The following SNTG1 variants were observed in gnomAD, a reference collection of about 807,000 sequenced individuals.
SNTG1 encodes the protein gamma-1-syntrophin.
Under a neutral mutation model 74.7 loss-of-function variants are expected in SNTG1, and 39 were observed. The observed-to-expected ratio is 0.52, with a 90% confidence interval of 0.40 to 0.68. The LOEUF (loss-of-function observed/expected upper bound fraction) is 0.68. SNTG1 is among the 30% of genes least tolerant of loss of function. The pLI, the probability that SNTG1 is intolerant of heterozygous loss-of-function variation, is 0.00. For missense variants in SNTG1, 685 were observed against 609.5 expected, an observed-to-expected ratio of 1.12 and a Z score of -1.30; for synonymous variants, 254 against 217.1, an observed-to-expected ratio of 1.17 and a Z score of -1.49.
chr8:50,499,447 GT>G, intron 8 of SNTG1, among the ~76,000 whole-genome samples: 1 of 148,406 alleles, frequency 6.7e-6, no homozygotes, highest in South Asian at 2.1e-4. Context: ...GTAGATTCTA[GT>G]GCACTTTTTG....
intron 2 of SNTG1, among the ~76,000 whole-genome samples, chr8:50,190,730 C>T (rs992253281): frequency 6.6e-6 from 1 of 152,112 alleles, no homozygotes; most frequent in African/African-American, 2.4e-5. Flanking sequence ...CATTTTACTA[C>T]CTCCTGTTGA....
At chr8:50,417,776 C>T (rs1413553635) in intron 4 of SNTG1, among the ~76,000 whole-genome samples, 1 of 152,136 alleles carries the variant, frequency 6.6e-6, no homozygotes, top group Non-Finnish European at 1.5e-5. Flanking sequence ...GCCCCACTGC[C>T]ATTTATATCT....
At chr8:49,941,623 G>GA (rs1269439666) in intron 1 of SNTG1, among the ~76,000 whole-genome samples, 1 of 151,858 alleles carries the variant, frequency 6.6e-6, no homozygotes, top group East Asian at 1.9e-4. Context: ...AGCCTGGCCT[G>GA]CGGCCTGAGT....
intron 13 of SNTG1, among the ~76,000 whole-genome samples, chr8:50,637,958 T>C (rs998909109): frequency 6.6e-6 from 1 of 152,118 alleles, no homozygotes; most frequent in African/African-American, 2.4e-5. Flanking sequence ...TACTTATTCT[T>C]ATAACTTTGC....
chr8:50,386,065 T>G (rs931374948), intron 2 of SNTG1, among the ~76,000 whole-genome samples: 1 of 152,236 alleles, frequency 6.6e-6, no homozygotes, highest in African/African-American at 2.4e-5. Context: ...GTAGTTCTAA[T>G]GGCATCCATT....
chr8:50,323,312 C>A (rs114168777), intron 2 of SNTG1, among the ~76,000 whole-genome samples: 1 of 151,992 alleles, frequency 6.6e-6, no homozygotes, highest in Non-Finnish European at 1.5e-5. Context: ...TCTGAAAGGT[C>A]GTATATCTCT....
At chr8:50,308,900 GT>G (rs200260250) in intron 2 of SNTG1, among the ~76,000 whole-genome samples, 2 of 150,052 alleles carry the variant, frequency 1.3e-5, no homozygotes, top group African/African-American at 4.9e-5. Flanking sequence ...ATGATGTTTT[GT>G]TTTTTTTTAA....
chr8:50,446,412 G>A (rs891936698), intron 5 of SNTG1, among the ~76,000 whole-genome samples: 9 of 149,358 alleles, frequency 6.0e-5, no homozygotes, highest in East Asian at 2.0e-4. Flanking sequence ...GCAGTGGCTC[G>A]TGCCTGTAAT....
At chr8:50,176,870 C>T (rs1448667651) in intron 2 of SNTG1, among the ~76,000 whole-genome samples, 1 of 152,170 alleles carries the variant, frequency 6.6e-6, no homozygotes, top group African/African-American at 2.4e-5. Context: ...TATGAAGGGA[C>T]TTCTGGAAGT....
Position 50,018,952 on chromosome 8 carries a change from G to A in SNTG1, c.-103+106721G>A, listed in dbSNP as rs568545386. The stretch of plus-strand genomic sequence containing the variant: ...AAAATTAAACATAGAATTGTTATAT[G>A]ATCCAGCAAATCTACTCCTAGGTAT... On this transcript the variant is annotated intron_variant, in intron 1 of 18. Coordinates refer to ENST00000642720, the MANE Select transcript of SNTG1 (RefSeq NM_018967.5). Among the ~76,000 whole-genome samples the A allele has an allele frequency of 1.6e-3, 248 of 152,048 alleles. 4 individuals are homozygous for A. Among genetic ancestry groups the A allele is most frequent in the African/African-American group, 5.8e-3 (239 of 41,506 alleles).
At chr8:50,133,762 C>G (rs1038072365) in intron 1 of SNTG1, among the ~76,000 whole-genome samples, 1 of 152,180 alleles carries the variant, frequency 6.6e-6, no homozygotes, top group Non-Finnish European at 1.5e-5. Flanking sequence ...ATGTTGGATT[C>G]AGGGCCCACC....
intron 8 of SNTG1, among the ~76,000 whole-genome samples, chr8:50,484,149 TTTCCTTCCTTCCTTCCTTCC>T (rs1176639085): frequency 1.5e-4 from 7 of 47,044 alleles, no homozygotes; most frequent in Admixed American, 1.9e-4. Context: ...TCTTTCTTTC[TTTCCTTCCTTCCTTCCTTCC>T]TTCCTTCCTT....
intron 1 of SNTG1, among the ~76,000 whole-genome samples, chr8:49,920,988 T>G (rs1359887021): frequency 6.6e-6 from 1 of 151,996 alleles, no homozygotes; most frequent in Non-Finnish European, 1.5e-5. Flanking sequence ...GAAGGAAAGA[T>G]GTGATATCTG....
chr8:50,032,347 T>C (rs559065293), intron 1 of SNTG1, among the ~76,000 whole-genome samples: 1 of 152,076 alleles, frequency 6.6e-6, no homozygotes, highest in Non-Finnish European at 1.5e-5. Context: ...AATTTTGCTC[T>C]TTTATTCTAA....
chr8:50,349,318 C>T (rs2091575520), intron 2 of SNTG1, among the ~76,000 whole-genome samples: 1 of 152,126 alleles, frequency 6.6e-6, no homozygotes, highest in Non-Finnish European at 1.5e-5. Context: ...TCAAAGATTC[C>T]ATAGTCTAGT....
chr8:50,411,921 G>A (rs909309071), intron 4 of SNTG1, among the ~76,000 whole-genome samples: 4 of 152,092 alleles, frequency 2.6e-5, no homozygotes, highest in Non-Finnish European at 5.9e-5. Context: ...TCCATAGTCT[G>A]GGCAGCAGTC....
intron 2 of SNTG1, among the ~76,000 whole-genome samples, chr8:50,255,958 T>C (rs1445884917): frequency 1.3e-5 from 2 of 152,178 alleles, no homozygotes; most frequent in Admixed American, 1.3e-4. Context: ...ATAAGACCTA[T>C]CACAAGGTGT....
At chr8:50,707,998 C>G (rs907000961) in intron 16 of SNTG1, 1 of 342,572 alleles carries the variant, frequency 2.9e-6, no homozygotes, top group Non-Finnish European at 5.2e-6. Flanking sequence ...GTCAGGCGTT[C>G]GAGACCAGCC....
chr8:50,163,675 G>A (rs2082508009), intron 1 of SNTG1: 1 of 151,934 alleles, frequency 6.6e-6, no homozygotes, highest in African/African-American at 2.4e-5. Flanking sequence ...ATACACAACA[G>A]GATTTCGCCA....
Sources: gnomAD v4.1 joint callset for allele counts (sites outside exome capture counted in the v4.1 genomes callset) on GRCh38, gnomAD v4.1.1 for gene constraint, MANE v1.5 for transcripts, NCBI Gene and HGNC (gene_info 2026-07-23, HGNC 2026-07-21) for gene names.